AMOTL1: variants seen among roughly 807,000 people sequenced by gnomAD.
AMOTL1 encodes angiomotin-like protein 1.
Under a neutral mutation model 102.9 loss-of-function variants are expected in AMOTL1, and 45 were observed. The observed-to-expected ratio is 0.44, with a 90% CI of 0.34 to 0.56. AMOTL1 has a LOEUF of 0.56. AMOTL1 is among the 20% of genes least tolerant of loss of function. The pLI is 0.01. For missense variants in AMOTL1, 1,114 were observed against 1,225.6 expected (o/e 0.91, Z 1.36); for synonymous variants, 481 against 484.7 (o/e 0.99, Z 0.10).
At chr11:94,796,916 T>G (rs1039003717) in intron 2 of AMOTL1, 2 of 728,040 alleles carry the variant, frequency 2.7e-6, no homozygotes, top group African/African-American at 3.8e-5. Flanking sequence ...GTATATATCT[T>G]GTATATAAGC....
chr11:94,723,643 T>A (rs190273416), intron 1 of AMOTL1, among the ~76,000 whole-genome samples: 1 of 152,274 alleles, frequency 6.6e-6, no homozygotes, highest in Non-Finnish European at 1.5e-5. Context: ...CCAGTAAGAA[T>A]TCTTGGATAC....
intron 3 of AMOTL1, among the ~76,000 whole-genome samples, chr11:94,813,795 C>T (rs749780793): frequency 3.9e-5 from 6 of 152,248 alleles, no homozygotes; most frequent in Non-Finnish European, 2.9e-5. Flanking sequence ...CACTACACAT[C>T]TGTCACTGAG....
chr11:94,791,752 C>T (rs1162241235), intron 1 of AMOTL1, among the ~76,000 whole-genome samples: 1 of 152,208 alleles, frequency 6.6e-6, no homozygotes, highest in East Asian at 1.9e-4. Context: ...GAACTTTTGA[C>T]ATAGAAAACA....
In AMOTL1 at chr11:94,731,518, C is replaced by T. The variant is rs1186090800; in HGVS notation, c.85+2463C>T. Among the ~76,000 whole-genome samples, 7 of 152,128 alleles carry T rather than the reference C, an allele frequency of 4.6e-5. No individual in the cohort carries two copies. In the East Asian group the frequency reaches 1.3e-3, roughly 29 times the overall value. ...TTGAAGTAGGATGAGGATACTGGCA[C>T]TCGGAGAGGAAGTGTAATGTGCCAG... On this transcript the variant is annotated intron_variant, in intron 2 of 4. Coordinates refer to the AMOTL1 transcript ENST00000299004.
chr11:94,784,731 G>T (rs1951158111), intron 1 of AMOTL1, among the ~76,000 whole-genome samples: 1 of 152,152 alleles, frequency 6.6e-6, no homozygotes. Context: ...TGTTTGTTGT[G>T]TAAGAGCTTA....
intron 1 of AMOTL1, among the ~76,000 whole-genome samples, chr11:94,724,737 C>T: frequency 6.6e-6 from 1 of 152,038 alleles, no homozygotes; most frequent in East Asian, 1.9e-4. Flanking sequence ...TAGGAGACAC[C>T]AAGTTAGTAT....
intron 6 of AMOTL1, among the ~76,000 whole-genome samples, chr11:94,846,808 CT>C (rs964368220): frequency 3.3e-5 from 5 of 151,932 alleles, no homozygotes; most frequent in East Asian, 1.9e-4. Context: ...GTTACTTACC[CT>C]TTTTTTTAGT....
chr11:94,816,155 C>G (rs746747804), intron 3 of AMOTL1, among the ~76,000 whole-genome samples: 32 of 152,136 alleles, frequency 2.1e-4, no homozygotes, highest in South Asian at 6.2e-4. Context: ...TTTATTGTAT[C>G]TTGCTGTTTC....
intron 1 of AMOTL1, among the ~76,000 whole-genome samples, chr11:94,770,652 A>G (rs1950935620): frequency 6.6e-6 from 1 of 152,186 alleles, no homozygotes; most frequent in Non-Finnish European, 1.5e-5. Context: ...GGTTCTTTGC[A>G]GATGATGGAG....
At position 94,859,675 on chromosome 11, in the gene AMOTL1, C is replaced by T; in HGVS notation, c.2095C>T (p.His699Tyr). ...QKYLEESTIR[H>Y]FAMNAAATAA... The stretch of plus-strand genomic sequence containing the variant: ...GTACCTGGAGGAGAGCACCATCCGA[C>T]ACTTTGCCATGAATGCCGCAGCCAC... The change falls in exon 9 of 13, where the codon CAC (histidine) becomes TAC (tyrosine). Residue 699 changes from histidine (H) to tyrosine (Y), a missense_variant. Transcript: ENST00000433060. 6.2e-7 allele frequency: 1 copy of T among 1,612,612 alleles called. No individual in the cohort carries two copies. The highest frequency in any genetic ancestry group is 8.5e-7 in the Non-Finnish European group (1 of 1,179,268).
At chr11:94,860,105 A>G (rs1168585334) in intron 9 of AMOTL1, among the ~76,000 whole-genome samples, 1 of 152,206 alleles carries the variant, frequency 6.6e-6, no homozygotes, top group Non-Finnish European at 1.5e-5. Context: ...CTGTGCAATC[A>G]CCAAGAATGA....
At position 94,799,942 on chromosome 11, in the gene AMOTL1, A is replaced by G; in HGVS notation, c.752A>G (p.Lys251Arg). 1 of 1,613,816 alleles carries G rather than the reference A, an allele frequency of 6.2e-7. No individual in the cohort carries two copies. Among genetic ancestry groups the G allele is most frequent in the Non-Finnish European group, 8.5e-7 (1 of 1,179,760 alleles). The change falls in exon 3 of 13, where the codon AAG (lysine) becomes AGG (arginine). Residue 251 changes from lysine to arginine, a missense_variant. Physicochemically the swap from Lys to Arg is conservative, Grantham distance 26. Coordinates refer to ENST00000433060, the MANE Select transcript of AMOTL1 (RefSeq NM_130847.3). The surrounding 1 kb of genome is among the most constrained non-coding windows in gnomAD (Gnocchi z 4.5). ...CAGGCGCATAAGGACGAGGCGCTGA[A>G]GGAACTGAAGCAGGGCCACGTCCGC... ...SGQAHKDEAL[K>R]ELKQGHVRSL...
At chr11:94,843,380 G>A (rs113370404) in intron 6 of AMOTL1, among the ~76,000 whole-genome samples, 5 of 152,074 alleles carry the variant, frequency 3.3e-5, no homozygotes, top group African/African-American at 1.2e-4. Flanking sequence ...TGAGGATGTG[G>A]GGGCAGATGT....
At chr11:94,838,374 T>TCTTTTTGC (rs1952226535) in intron 6 of AMOTL1, among the ~76,000 whole-genome samples, 1 of 152,212 alleles carries the variant, frequency 6.6e-6, no homozygotes, top group South Asian at 2.1e-4. Context: ...TACTATCAAC[T>TCTTTTTGC]CACTGTGTTT....
intron 8 of AMOTL1, among the ~76,000 whole-genome samples, chr11:94,858,141 T>A (rs974169134): frequency 6.6e-6 from 1 of 152,144 alleles, no homozygotes; most frequent in African/African-American, 2.4e-5. Flanking sequence ...TTAGTGAATA[T>A]GGGAGACTTT....
intron 2 of AMOTL1, among the ~76,000 whole-genome samples, chr11:94,730,106 C>T (rs1475390545): frequency 1.3e-5 from 2 of 152,130 alleles, no homozygotes; most frequent in Non-Finnish European, 2.9e-5. Flanking sequence ...TACTGTCATT[C>T]CAGCCTCTTT....
At chr11:94,843,593 G>A (rs1336445994) in intron 6 of AMOTL1, among the ~76,000 whole-genome samples, 3 of 152,134 alleles carry the variant, frequency 2.0e-5, no homozygotes, top group Non-Finnish European at 4.4e-5. Flanking sequence ...CTGTCCCTTG[G>A]AATAGAATCC....
intron 2 of AMOTL1, among the ~76,000 whole-genome samples, chr11:94,739,882 C>T (rs1950492207): frequency 6.6e-6 from 1 of 152,160 alleles, no homozygotes. Context: ...GGGAGGTTCT[C>T]ACAGTGTTAC....
intron 8 of AMOTL1, among the ~76,000 whole-genome samples, chr11:94,856,968 A>G (rs369132823): frequency 2.6e-5 from 4 of 152,130 alleles, no homozygotes; most frequent in East Asian, 3.9e-4. Flanking sequence ...AATTATTTCA[A>G]TTATTTCTTC....
Sources: allele counts gnomAD v4.1 joint callset (sites outside exome capture counted in the v4.1 genomes callset), GRCh38; gene constraint gnomAD v4.1.1; non-coding constraint Gnocchi (gnomAD v3.1); transcripts MANE v1.5; gene names NCBI Gene and HGNC (gene_info 2026-07-23, HGNC 2026-07-21).